DGKB: variants seen among roughly 807,000 people sequenced by gnomAD.
DGKB encodes the protein 90 kDa diacylglycerol kinase.
A neutral mutation model predicts 114.3 loss-of-function variants in DGKB; 67 were observed. The ratio of observed to expected loss-of-function variants is 0.59; its 90% CI spans 0.48 to 0.72. DGKB has a LOEUF of 0.72. Among genes scored for constraint, DGKB ranks in the 30% least tolerant of loss-of-function variants. The pLI is 0.00. For missense variants in DGKB, 907 were observed against 975.2 expected (o/e 0.93, Z 0.93); for synonymous variants, 398 against 323.1 (o/e 1.23, Z -2.49).
chr7:14,715,804 A>G (rs973208325), intron 6 of DGKB, among the ~76,000 whole-genome samples: 5 of 152,188 alleles, frequency 3.3e-5, no homozygotes, highest in African/African-American at 1.2e-4. Flanking sequence ...ATAAGCAAAA[A>G]GTGGTTTTGT....
chr7:14,577,958 G>A (rs1203186857), intron 19 of DGKB, among the ~76,000 whole-genome samples: 2 of 152,086 alleles, frequency 1.3e-5, no homozygotes, highest in African/African-American at 2.4e-5. Flanking sequence ...ACATTGATAT[G>A]GTTTGGCTCT....
At chr7:14,963,787 TC>T (rs1786999302) in intron 1 of DGKB, among the ~76,000 whole-genome samples, 1 of 152,130 alleles carries the variant, frequency 6.6e-6, no homozygotes, top group African/African-American at 2.4e-5. Context: ...TTTTTGGTCT[TC>T]CTTGTAGTAG....
intron 9 of DGKB, among the ~76,000 whole-genome samples, chr7:14,689,672 C>G (rs965148387): frequency 6.6e-6 from 1 of 152,152 alleles, no homozygotes; most frequent in Non-Finnish European, 1.5e-5. Context: ...TTAAATGACA[C>G]AATCTGGAAT....
At chr7:14,517,847 T>C (rs1052989549) in intron 20 of DGKB, among the ~76,000 whole-genome samples, 31 of 152,202 alleles carry the variant, frequency 2.0e-4, no homozygotes, top group African/African-American at 6.7e-4. Context: ...AAGGGAACAC[T>C]TATACACTGC....
At chr7:14,703,366 A>G (rs1400163605) in intron 6 of DGKB, among the ~76,000 whole-genome samples, 1 of 152,194 alleles carries the variant, frequency 6.6e-6, no homozygotes, top group African/African-American at 2.4e-5. Context: ...GGGAACATGA[A>G]CTCAAAGAAA....
intron 23 of DGKB, among the ~76,000 whole-genome samples, chr7:14,254,422 G>C (rs1204998900): frequency 6.6e-6 from 1 of 152,084 alleles, no homozygotes; most frequent in Non-Finnish European, 1.5e-5. Context: ...TCATTAATGA[G>C]GAAGGGTGCT....
chr7:14,496,532 G>C (rs914437069), intron 20 of DGKB, among the ~76,000 whole-genome samples: 2 of 151,554 alleles, frequency 1.3e-5, no homozygotes, highest in African/African-American at 4.8e-5. Context: ...GTCATTTTCA[G>C]AATATTTATT....
intron 17 of DGKB, among the ~76,000 whole-genome samples, chr7:14,586,437 A>G (rs1463513799): frequency 6.6e-6 from 1 of 152,170 alleles, no homozygotes. Context: ...GCTTAAGGAA[A>G]GAAGCTGTAT....
At chr7:14,698,522 G>C (rs1483521813) in intron 7 of DGKB, among the ~76,000 whole-genome samples, 1 of 152,044 alleles carries the variant, frequency 6.6e-6, no homozygotes, top group Non-Finnish European at 1.5e-5. Context: ...CCTTTGGCTT[G>C]AAAATAGATG....
chr7:14,934,924 C>G (rs1785200545), intron 1 of DGKB, among the ~76,000 whole-genome samples: 3 of 152,152 alleles, frequency 2.0e-5, no homozygotes, highest in African/African-American at 7.2e-5. Context: ...AATTTCTTTG[C>G]AGCCATAATT....
At chr7:14,151,202 T>C (rs1208452236) in intron 25 of DGKB, among the ~76,000 whole-genome samples, 3 of 152,096 alleles carry the variant, frequency 2.0e-5, no homozygotes, top group Non-Finnish European at 4.4e-5. Context: ...TTCGGGTTCA[T>C]AATTTCTGGA....
rs1554404749 is a variant in DGKB, at chr7:14,392,995, G to GTTTTGTTTTTTTTTTTT, written c.1836-47605_1836-47604insAAAAAAAAAAAACAAAA. Among the ~76,000 whole-genome samples, 81 of 60,544 alleles carry GTTTTGTTTTTTTTTTTT rather than the reference G, an allele frequency of 1.3e-3. 1 individual carries two copies. Among genetic ancestry groups the GTTTTGTTTTTTTTTTTT allele is most frequent in the African/African-American group, 3.8e-3 (78 of 20,682 alleles). The allele number at this position is 60,544 out of a possible 152,430, so 39.7% of individuals were successfully genotyped here. ...CAAAACAGACCTGTTTTTTGTTTTT[G>GTTTTGTTTTTTTTTTTT]TTTTTTTTTTTTTGAGACGGAGTCT... On this transcript the variant is annotated intron_variant, in intron 21 of 25. Transcript: ENST00000402815.
chr7:14,596,698 G>T (rs1802638030), intron 17 of DGKB, among the ~76,000 whole-genome samples: 2 of 152,152 alleles, frequency 1.3e-5, no homozygotes, highest in Admixed American at 6.6e-5. Context: ...TTGGAATGGA[G>T]ACAAAAGTCT....
chr7:14,904,702 AT>A (rs1783584667), upstream of DGKB, among the ~76,000 whole-genome samples: 1 of 152,156 alleles, frequency 6.6e-6, no homozygotes, highest in Admixed American at 6.5e-5. Flanking sequence ...AGCATCCAGA[AT>A]TTTTTAACGT....
chr7:14,412,375 T>C (rs549061633), intron 21 of DGKB, among the ~76,000 whole-genome samples: 2 of 152,312 alleles, frequency 1.3e-5, no homozygotes, highest in South Asian at 4.1e-4. Flanking sequence ...TGGAAGAATG[T>C]AACAGGCACA....
intron 25 of DGKB, among the ~76,000 whole-genome samples, chr7:14,172,169 G>A (rs1431363641): frequency 1.3e-5 from 2 of 152,096 alleles, no homozygotes; most frequent in African/African-American, 4.8e-5. Flanking sequence ...AGAGGGAAGC[G>A]CATGAAAAGA....
intron 23 of DGKB, among the ~76,000 whole-genome samples, chr7:14,228,653 A>G (rs1185839745): frequency 1.3e-5 from 2 of 152,008 alleles, no homozygotes; most frequent in African/African-American, 2.4e-5. Flanking sequence ...AATGGATGTG[A>G]GCAAAAGTGA....
intron 15 of DGKB, among the ~76,000 whole-genome samples, chr7:14,615,608 G>T (rs1288384805): frequency 6.6e-6 from 1 of 151,740 alleles, no homozygotes; most frequent in Non-Finnish European, 1.5e-5. Flanking sequence ...AGAATTTAAA[G>T]AATTTAGAGC....
chr7:14,700,739 C>A (rs140066477), intron 7 of DGKB, among the ~76,000 whole-genome samples: 2 of 152,002 alleles, frequency 1.3e-5, no homozygotes, highest in Non-Finnish European at 2.9e-5. Context: ...TATCAGATGA[C>A]GAGAAAAACT....
Sources: allele counts gnomAD v4.1 joint callset (sites outside exome capture counted in the v4.1 genomes callset), GRCh38; gene constraint gnomAD v4.1.1; transcripts MANE v1.5; gene names NCBI Gene and HGNC (gene_info 2026-07-23, HGNC 2026-07-21).